Variants in MBTPS2 observed in about 807,000 individuals in gnomAD.
MBTPS2 encodes the protein membrane-bound transcription factor site-2 protease.
MBTPS2 carries 2 observed loss-of-function variants against 35.4 expected under a neutral mutation model. The observed-to-expected ratio is 0.06, with a 90% CI of 0.02 to 0.18. MBTPS2 has a LOEUF of 0.18. MBTPS2 is among the 10% of genes least tolerant of loss of function. MBTPS2 has a pLI of 1.00. For missense variants in MBTPS2, 244 were observed against 386.5 expected, an observed-to-expected ratio of 0.63 and a Z score of 3.09; for synonymous variants, 125 against 140.4, an observed-to-expected ratio of 0.89 and a Z score of 0.77.
In MBTPS2 at chrX:21,839,812, G is replaced by T; in HGVS notation, c.75+3G>T. ...ACCTGACCGACTTGGTGCTGAAGGTGAGGGCCTTGGGCCTAAGGTCCAAGC... is the reference window on the plus strand; with the variant it reads ...ACCTGACCGACTTGGTGCTGAAGGTTAGGGCCTTGGGCCTAAGGTCCAAGC... On this transcript the variant is annotated splice_donor_region_variant and intron_variant, in intron 1 of 10. Coordinates refer to ENST00000379484, the MANE Select transcript of MBTPS2 (RefSeq NM_015884.4). The T allele has an allele frequency of 8.4e-7, 1 of 1,188,839 alleles. No homozygotes were observed. The highest frequency in any genetic ancestry group is 1.1e-6 in the Non-Finnish European group (1 of 882,727).
intron 3 of MBTPS2, 49 bp downstream of exon 3, chrX:21,845,433 G>GA (rs1287299820): frequency 9.0e-7 from 1 of 1,105,754 alleles, no homozygotes; most frequent in Admixed American, 2.6e-5. Flanking sequence ...AGAGATGCAA[G>GA]ATACCACTTA....
intron 5 of MBTPS2, chrX:21,858,712 T>A (rs2092927148): frequency 8.4e-6 from 1 of 119,010 alleles, no homozygotes; most frequent in African/African-American, 3.4e-5. Flanking sequence ...CAACATGGCA[T>A]AACTCGGTCT....
intron 3 of MBTPS2, among the ~76,000 whole-genome samples, chrX:21,848,106 T>C (rs1479653980): frequency 8.9e-6 from 1 of 112,862 alleles, no homozygotes; most frequent in Non-Finnish European, 1.9e-5. Flanking sequence ...TTAGATATTA[T>C]GCACACATTA....
chrX:21,864,777 T>C (rs1380291938), intron 5 of MBTPS2, among the ~76,000 whole-genome samples: 1 of 111,279 alleles, frequency 9.0e-6, no homozygotes, highest in Non-Finnish European at 1.9e-5. Flanking sequence ...GAGCAGAGAT[T>C]GTACCACTGC....
chrX:21,860,069 G>A (rs2092929383), intron 5 of MBTPS2, among the ~76,000 whole-genome samples: 2 of 105,099 alleles, frequency 1.9e-5, no homozygotes, highest in Non-Finnish European at 3.9e-5. Context: ...TCCAGCCTAG[G>A]TGACAGAGTA....
chrX:21,857,262 G>A (rs1229091832), intron 5 of MBTPS2: 1 of 1,209,962 alleles, frequency 8.3e-7, no homozygotes, highest in Admixed American at 2.2e-5. Flanking sequence ...CTCTTATAGC[G>A]GCTGCGAAAA....
At chrX:21,876,229 C>A (rs1279575365) in intron 7 of MBTPS2, among the ~76,000 whole-genome samples, 1 of 111,751 alleles carries the variant, frequency 8.9e-6, no homozygotes. Context: ...ATTTTAAATA[C>A]TGCTCCTCAC....
chrX:21,859,034 T>G (rs947623845), intron 5 of MBTPS2, among the ~76,000 whole-genome samples: 1 of 109,838 alleles, frequency 9.1e-6, no homozygotes, highest in African/African-American at 3.3e-5. Context: ...GGTGAAACCA[T>G]CCCCCGGCTA....
rs957684476 is a variant in MBTPS2, at chrX:21,845,502, A to G, written c.438+118A>G. The G allele has an allele frequency of 4.2e-6, 3 of 712,117 alleles. No individual in the cohort carries two copies. In the African/African-American group the frequency reaches 6.6e-5, roughly 16 times the overall value. The allele number at this position is 712,117 out of a possible 1,213,427, so 58.7% of individuals were successfully genotyped here. A position where few individuals can be genotyped will look rare whatever the true frequency, so the allele number is the denominator to read the frequency against. The stretch of plus-strand genomic sequence containing the variant: ...ATGAAAATAAATTAAAAGTCTCATA[A>G]TTTTCAAATTACCTGCTTACACAAA... On this transcript the variant is annotated intron_variant, in intron 3 of 10. Transcript: ENST00000379484.
chrX:21,856,948 C>A, intron 5 of MBTPS2: 1 of 1,212,061 alleles, frequency 8.3e-7, no homozygotes, highest in Non-Finnish European at 1.1e-6. Flanking sequence ...AGCACTGAGG[C>A]CAACCCGGCA....
At chrX:21,848,264 AC>A (rs940655230) in intron 3 of MBTPS2, among the ~76,000 whole-genome samples, 7 of 110,859 alleles carry the variant, frequency 6.3e-5, no homozygotes, top group African/African-American at 1.3e-4. Flanking sequence ...TACTAAAAAT[AC>A]AAAATTAGCC....
At chrX:21,852,850 T>C (rs1474329919) in intron 4 of MBTPS2, among the ~76,000 whole-genome samples, 1 of 109,897 alleles carries the variant, frequency 9.1e-6, no homozygotes, top group Non-Finnish European at 1.9e-5. Context: ...CTGGTTCTCT[T>C]AAGGACAATC....
At chrX:21,876,228 A>G (rs983083549) in intron 7 of MBTPS2, among the ~76,000 whole-genome samples, 1 of 111,806 alleles carries the variant, frequency 8.9e-6, no homozygotes, top group Non-Finnish European at 1.9e-5. Context: ...TATTTTAAAT[A>G]CTGCTCCTCA....
At position 21,883,591 on chromosome X, in the gene MBTPS2, C is replaced by G; in HGVS notation, c.*936C>G. On this transcript the variant is annotated 3_prime_UTR_variant, in exon 11 of 11. Coordinates refer to ENST00000379484, the MANE Select transcript of MBTPS2 (RefSeq NM_015884.4). ...TGCTCAGGACATCTGGGGCCTAGCT[C>G]CTGGGTTCCTGTCTCCAAGAAGCAA... 1.3e-6 allele frequency: 1 copy of G among 753,904 alleles called. No individual in the cohort carries two copies. The highest frequency in any genetic ancestry group is 1.6e-6 in the Non-Finnish European group (1 of 639,197). The allele number at this position is 753,904 out of a possible 1,213,427, so 62.1% of individuals were successfully genotyped here.
chrX:21,842,280 A>T (rs1409623182), intron 1 of MBTPS2, among the ~76,000 whole-genome samples: 3 of 111,993 alleles, frequency 2.7e-5, no homozygotes, highest in African/African-American at 9.7e-5. Flanking sequence ...CCACAACCCC[A>T]GAGAATTTAA....
intron 5 of MBTPS2, among the ~76,000 whole-genome samples, chrX:21,861,094 GAC>G (rs1189179554): frequency 1.3e-4 from 14 of 111,763 alleles, no homozygotes; most frequent in African/African-American, 3.3e-4. Context: ...AAATTAATAA[GAC>G]AACTCAATCA....
chrX:21,843,362 T>A (rs1192419377), intron 2 of MBTPS2, 44 bp downstream of exon 2: 2 of 1,126,754 alleles, frequency 1.8e-6, no homozygotes, highest in Non-Finnish European at 2.4e-6. Context: ...AATCATTAAG[T>A]GATCACGACA....
intron 9 of MBTPS2, among the ~76,000 whole-genome samples, chrX:21,879,861 T>C (rs192892674): frequency 2.1e-3 from 234 of 110,742 alleles, no homozygotes; most frequent in Non-Finnish European, 3.4e-3. Context: ...CTTCATTCTT[T>C]TTAAGGCCAA....
chrX:21,856,691 G>C, intron 5 of MBTPS2: 1 of 1,211,572 alleles, frequency 8.3e-7, no homozygotes, highest in South Asian at 1.8e-5. Context: ...TCACGAACAC[G>C]GGCTATGGCG....
Sources: allele counts gnomAD v4.1 joint callset (sites outside exome capture counted in the v4.1 genomes callset), GRCh38; gene constraint gnomAD v4.1.1; transcripts MANE v1.5; gene names NCBI Gene and HGNC (gene_info 2026-07-23, HGNC 2026-07-21).